Variants in NAALADL2 observed in about 807,000 individuals in gnomAD.
NAALADL2 encodes the protein N-acetylated alpha-linked acidic dipeptidase like 2, also known as inactive N-acetylated-alpha-linked acidic dipeptidase-like protein 2.
A neutral mutation model predicts 87.2 loss-of-function variants in NAALADL2; 76 were observed. The observed-to-expected ratio is 0.87, with a 90% CI of 0.72 to 1.05. The LOEUF (loss-of-function observed/expected upper bound fraction) is 1.05, where lower values mean the gene tolerates loss of function less well. Ranked by LOEUF, NAALADL2 falls within the 50% of genes least tolerant of loss-of-function variation. The pLI, the probability that NAALADL2 is intolerant of heterozygous loss-of-function variation, is 0.00. For synonymous variants in NAALADL2, 354 were observed against 331.0 expected (o/e 1.07, Z -0.75); for missense variants, 1,089 against 945.8 (o/e 1.15, Z -1.99).
chr3:175,710,278 C>T (rs905969866), intron 11 of NAALADL2, among the ~76,000 whole-genome samples: 7 of 151,838 alleles, frequency 4.6e-5, no homozygotes, highest in African/African-American at 1.7e-4. Context: ...TACCTGTAGG[C>T]TAGATGTCAG....
chr3:175,132,704 A>G, intron 2 of NAALADL2, among the ~76,000 whole-genome samples: 1 of 137,680 alleles, frequency 7.3e-6, no homozygotes, highest in Non-Finnish European at 1.5e-5. Context: ...GGCTGGGCAG[A>G]GGGGCTCCTC....
At chr3:175,150,166 G>T (rs888740439) in intron 2 of NAALADL2, among the ~76,000 whole-genome samples, 11 of 152,058 alleles carry the variant, frequency 7.2e-5, no homozygotes, top group African/African-American at 1.7e-4. Flanking sequence ...ATAACAATAG[G>T]TTTCAAAAGA....
At chr3:175,328,142 T>C (rs1245613612) in intron 5 of NAALADL2, among the ~76,000 whole-genome samples, 1 of 152,162 alleles carries the variant, frequency 6.6e-6, no homozygotes, top group Non-Finnish European at 1.5e-5. Context: ...AGGAGGATGT[T>C]TTCAGTATAT....
At chr3:174,744,663 A>G (rs1734080297) in intron 3 of NAALADL2, among the ~76,000 whole-genome samples, 1 of 152,208 alleles carries the variant, frequency 6.6e-6, no homozygotes, top group Admixed American at 6.5e-5. Context: ...TCAGTGCCAC[A>G]TGGCATGTTC....
intron 2 of NAALADL2, among the ~76,000 whole-genome samples, chr3:174,658,973 T>C (rs944660283): frequency 6.6e-6 from 1 of 152,184 alleles, no homozygotes; most frequent in Non-Finnish European, 1.5e-5. Context: ...TCCTCTTGTA[T>C]TGATCTTGAA....
intron 4 of NAALADL2, among the ~76,000 whole-genome samples, chr3:175,271,387 T>C (rs1301777191): frequency 6.6e-6 from 1 of 152,194 alleles, no homozygotes; most frequent in East Asian, 1.9e-4. Context: ...TTAAATCTGT[T>C]ACAAAAAAAG....
At chr3:175,517,557 A>T (rs1017153702) in intron 9 of NAALADL2, among the ~76,000 whole-genome samples, 3 of 152,152 alleles carry the variant, frequency 2.0e-5, no homozygotes, top group African/African-American at 4.8e-5. Context: ...AAATTTAAAG[A>T]TTACTACAAT....
intron 4 of NAALADL2, among the ~76,000 whole-genome samples, chr3:175,261,738 C>A (rs1352746668): frequency 2.6e-5 from 4 of 151,862 alleles, no homozygotes; most frequent in African/African-American, 9.7e-5. Context: ...TAGTTTCCTA[C>A]AAATGAAACA....
chr3:174,793,121 T>C (rs1717661099), intron 3 of NAALADL2, among the ~76,000 whole-genome samples: 1 of 152,156 alleles, frequency 6.6e-6, no homozygotes. Context: ...CTTAATACAT[T>C]GTGATAAGAT....
chr3:175,393,348 C>T (rs1581704816), intron 5 of NAALADL2, among the ~76,000 whole-genome samples: 1 of 119,930 alleles, frequency 8.3e-6, no homozygotes, highest in Non-Finnish European at 1.7e-5. Flanking sequence ...AAAGTCAAAT[C>T]ATGTATTTGG....
At chr3:174,838,036 A>AAAAAAAAAAAAAAAAC (rs1723563106) in intron 3 of NAALADL2, among the ~76,000 whole-genome samples, 1 of 113,688 alleles carries the variant, frequency 8.8e-6, no homozygotes, top group Admixed American at 8.3e-5. Context: ...AAAAAAAAAA[A>AAAAAAAAAAAAAAAAC]GAAAAAAAAA....
chr3:174,792,412 G>A (rs771911779), intron 3 of NAALADL2, among the ~76,000 whole-genome samples: 2 of 152,074 alleles, frequency 1.3e-5, no homozygotes, highest in Non-Finnish European at 2.9e-5. Context: ...ACTGTTTGCT[G>A]CCTACTACCC....
intron 11 of NAALADL2, among the ~76,000 whole-genome samples, chr3:175,642,752 G>A (rs972737740): frequency 6.6e-6 from 1 of 152,068 alleles, no homozygotes; most frequent in African/African-American, 2.4e-5. Context: ...CTCCCGCCTC[G>A]GCTTCCCAAA....
chr3:174,904,520 G>A (rs953603988), intron 1 of NAALADL2, among the ~76,000 whole-genome samples: 4 of 151,790 alleles, frequency 2.6e-5, no homozygotes, highest in African/African-American at 9.7e-5. Flanking sequence ...ATTCTAAATT[G>A]TTTTGCTAAT....
chr3:174,741,606 CAA>C (rs1733768784), intron 3 of NAALADL2, among the ~76,000 whole-genome samples: 1 of 151,272 alleles, frequency 6.6e-6, no homozygotes. Flanking sequence ...AAAGAAAAAA[CAA>C]TATTCATATA....
chr3:174,589,813 G>GT (rs1408123778), intron 2 of NAALADL2, among the ~76,000 whole-genome samples: 1 of 148,970 alleles, frequency 6.7e-6, no homozygotes, highest in Non-Finnish European at 1.5e-5. Context: ...AGCCCATGAT[G>GT]TTTTTTAAAC....
chr3:175,505,019 C>A (rs1203947546), intron 9 of NAALADL2, among the ~76,000 whole-genome samples: 1 of 152,114 alleles, frequency 6.6e-6, no homozygotes, highest in South Asian at 2.1e-4. Context: ...TTTGACGTTT[C>A]TCTTATTGAG....
intron 1 of NAALADL2, among the ~76,000 whole-genome samples, chr3:174,989,492 G>GA (rs1293918348): frequency 6.6e-6 from 1 of 152,090 alleles, no homozygotes; most frequent in Non-Finnish European, 1.5e-5. Flanking sequence ...CAATTAGTTG[G>GA]AAAAAATCAC....
intron 2 of NAALADL2, among the ~76,000 whole-genome samples, chr3:174,670,202 T>C (rs1246883513): frequency 7.1e-6 from 1 of 140,000 alleles, no homozygotes. Context: ...ATTTATTTCT[T>C]CTTTTCCAAT....
Sources: allele counts gnomAD v4.1 joint callset (sites outside exome capture counted in the v4.1 genomes callset), GRCh38; gene constraint gnomAD v4.1.1; transcripts MANE v1.5; gene names NCBI Gene and HGNC (gene_info 2026-07-23, HGNC 2026-07-21).